HDAC9: variants seen among roughly 807,000 people sequenced by gnomAD.
HDAC9 encodes MEF-2 interacting transcription repressor (MITR) protein.
In HDAC9, 41 loss-of-function variants were observed where a neutral mutation model predicts 139.4. The ratio of observed to expected loss-of-function variants is 0.29; its 90% CI spans 0.23 to 0.38. HDAC9 has a LOEUF of 0.38. HDAC9 is among the 10% of genes least tolerant of loss of function. The pLI, the probability that HDAC9 is intolerant of heterozygous loss-of-function variation, is 1.00. For synonymous variants in HDAC9, 517 were observed against 476.2 expected (o/e 1.09, Z -1.12); for missense variants, 1,147 against 1,297.0 (o/e 0.88, Z 1.78).
chr7:18,608,259 T>A (rs983086220), intron 6 of HDAC9, among the ~76,000 whole-genome samples: 5 of 152,100 alleles, frequency 3.3e-5, no homozygotes, highest in Admixed American at 3.3e-4. Flanking sequence ...ATGGAAGTGT[T>A]CTTTATGGCA....
chr7:18,271,461 G>C (rs967519003), intron 2 of HDAC9, among the ~76,000 whole-genome samples: 1 of 152,106 alleles, frequency 6.6e-6, no homozygotes, highest in African/African-American at 2.4e-5. Flanking sequence ...CAGCCCAAGT[G>C]GTATATGTAT....
intron 1 of HDAC9, among the ~76,000 whole-genome samples, chr7:18,375,972 T>C (rs1399700283): frequency 6.6e-6 from 1 of 152,196 alleles, no homozygotes; most frequent in African/African-American, 2.4e-5. Flanking sequence ...ATTGTAATAG[T>C]TTTTATATGC....
chr7:18,404,408 G>A (rs1288455589), intron 1 of HDAC9, among the ~76,000 whole-genome samples: 1 of 152,090 alleles, frequency 6.6e-6, no homozygotes, highest in African/African-American at 2.4e-5. Context: ...ATTAGAAGAA[G>A]GAGAATGAGA....
chr7:18,658,029 C>T (rs1017132151), intron 11 of HDAC9, among the ~76,000 whole-genome samples: 1 of 152,104 alleles, frequency 6.6e-6, no homozygotes, highest in African/African-American at 2.4e-5. Context: ...GCTCAACCTC[C>T]ACGTCTTCTC....
intron 23 of HDAC9, among the ~76,000 whole-genome samples, chr7:18,944,646 C>G (rs1782248155): frequency 1.3e-5 from 2 of 152,054 alleles, no homozygotes; most frequent in Non-Finnish European, 2.9e-5. Flanking sequence ...ATGTAATGAT[C>G]AACCAAGAGA....
At position 18,231,311 on chromosome 7, in the gene HDAC9, A is replaced by G. The variant is rs538176147; in HGVS notation, c.25+68962A>G. On this transcript the variant is annotated intron_variant, in intron 2 of 12. Transcript: ENST00000417496. ...TCAGTTGTGGAAGATTTTCCATTGCATAGACTCATTGGGTAATAGGCAGTG... is the reference window on the plus strand; with the variant it reads ...TCAGTTGTGGAAGATTTTCCATTGCGTAGACTCATTGGGTAATAGGCAGTG... Among the ~76,000 whole-genome samples, 7 of 152,298 alleles carry G rather than the reference A, an allele frequency of 4.6e-5. No individual in the cohort carries two copies. In the East Asian group the frequency reaches 1.4e-3, roughly 29 times the overall value.
At chr7:18,801,790 C>G (rs953698298) in intron 17 of HDAC9, among the ~76,000 whole-genome samples, 2 of 151,938 alleles carry the variant, frequency 1.3e-5, no homozygotes, top group African/African-American at 4.8e-5. Context: ...CTTTTTGAGT[C>G]AATTTAGGAG....
chr7:18,558,612 G>A (rs1819608792), intron 2 of HDAC9, among the ~76,000 whole-genome samples: 1 of 152,138 alleles, frequency 6.6e-6, no homozygotes, highest in South Asian at 2.1e-4. Context: ...TATGGGTTTT[G>A]TAGGATACCA....
At chr7:18,432,295 A>C (rs1790749615) in intron 1 of HDAC9, among the ~76,000 whole-genome samples, 1 of 152,210 alleles carries the variant, frequency 6.6e-6, no homozygotes. Context: ...ACCCACTGGC[A>C]GCTCTCCCAT....
At chr7:18,389,101 T>A (rs1163647918) in intron 1 of HDAC9, among the ~76,000 whole-genome samples, 1 of 152,226 alleles carries the variant, frequency 6.6e-6, no homozygotes, top group East Asian at 1.9e-4. Context: ...TTTTACTGAA[T>A]GTTTTTTCAT....
At chr7:18,472,285 A>G (rs1794784622) in intron 1 of HDAC9, among the ~76,000 whole-genome samples, 1 of 152,194 alleles carries the variant, frequency 6.6e-6, no homozygotes, top group African/African-American at 2.4e-5. Flanking sequence ...TGCTCCCTGT[A>G]ATCTACTCAT....
intron 2 of HDAC9, among the ~76,000 whole-genome samples, chr7:18,548,917 T>C (rs533108321): frequency 1.3e-5 from 2 of 152,308 alleles, no homozygotes; most frequent in East Asian, 3.9e-4. Context: ...ACTGCTATTC[T>C]GGAAAATAGT....
intron 24 of HDAC9, among the ~76,000 whole-genome samples, chr7:18,969,975 T>C (rs946721682): frequency 1.3e-5 from 2 of 152,214 alleles, no homozygotes; most frequent in African/African-American, 4.8e-5. Flanking sequence ...AGTGAAGATA[T>C]TCTGCTTTTA....
intron 21 of HDAC9, among the ~76,000 whole-genome samples, chr7:18,871,166 A>G (rs568102227): frequency 2.6e-5 from 4 of 152,294 alleles, no homozygotes; most frequent in South Asian, 2.1e-4. Flanking sequence ...TTATAATCCA[A>G]TACTATCATT....
intron 6 of HDAC9, among the ~76,000 whole-genome samples, chr7:18,604,705 TTTTTTAAATTTCTACTGCTGTGC>T (rs1471810447): frequency 6.6e-6 from 1 of 152,184 alleles, no homozygotes; most frequent in Non-Finnish European, 1.5e-5. Context: ...GGATAAGACC[TTTTTTAAATTTCTACTGCTGTGC>T]TTTTGATCTC....
chr7:18,257,598 A>T lies in HDAC9; in HGVS notation c.25+95249A>T, dbSNP rs189691539. 3.8e-3 allele frequency among the ~76,000 whole-genome samples: 573 copies of T among 152,202 alleles called. 8 individuals carry two copies. The highest frequency in any genetic ancestry group is 0.02 in the South Asian group (96 of 4,824). On this transcript the variant is annotated intron_variant, in intron 2 of 12. Transcript: ENST00000417496. ...GAGTGAACGGTAGGAGGTTTATAAG[A>T]TTGGCACTGTCTGTAGTATAAAAAC... is the stretch of plus-strand genomic sequence containing the variant.
At chr7:18,719,568 G>A (rs1011508476) in intron 12 of HDAC9, among the ~76,000 whole-genome samples, 3 of 151,986 alleles carry the variant, frequency 2.0e-5, no homozygotes, top group African/African-American at 7.2e-5. Context: ...TTGAACTCCT[G>A]ACCTCAGGTG....
intron 2 of HDAC9, among the ~76,000 whole-genome samples, chr7:18,584,401 T>C (rs1828820122): frequency 6.6e-6 from 1 of 152,146 alleles, no homozygotes; most frequent in Non-Finnish European, 1.5e-5. Flanking sequence ...GTGCTGTGAT[T>C]ACAGGCGTGA....
intron 12 of HDAC9, among the ~76,000 whole-genome samples, chr7:18,691,369 T>C: frequency 6.6e-6 from 1 of 152,048 alleles, no homozygotes; most frequent in East Asian, 1.9e-4. Context: ...GAGAGGTTGG[T>C]GGGTCACTTT....
Sources: gnomAD v4.1 joint callset for allele counts (sites outside exome capture counted in the v4.1 genomes callset) on GRCh38, gnomAD v4.1.1 for gene constraint, MANE v1.5 for transcripts, NCBI Gene and HGNC (gene_info 2026-07-23, HGNC 2026-07-21) for gene names.